The following TM9SF4 variants were observed in gnomAD, a reference collection of about 807,000 sequenced individuals.
TM9SF4 encodes the protein transmembrane 9 superfamily member 4.
In TM9SF4, 26 loss-of-function variants were observed where a neutral mutation model predicts 90.4. That is an observed-to-expected ratio of 0.29 (90% CI 0.21 to 0.40). The LOEUF (loss-of-function observed/expected upper bound fraction) is 0.40. Ranked by LOEUF, TM9SF4 falls within the 10% of genes least tolerant of loss-of-function variation. The pLI is 1.00. For missense variants in TM9SF4, 549 were observed against 834.8 expected (o/e 0.66, Z 4.22); for synonymous variants, 293 against 315.4 (o/e 0.93, Z 0.75).
Position 32,161,466 on chromosome 20 carries a change from C to T in TM9SF4, c.1779+101C>T, listed in dbSNP as rs1265269747. ...CCCAAGTGCCTGAATCTTCCTTTTC[C>T]ACCCAGAATGGGGAGGACCAAAGCC... On this transcript the variant is annotated intron_variant, in intron 17 of 17. Transcript: ENST00000398022. 4 of 1,136,666 alleles carry T rather than the reference C, an allele frequency of 3.5e-6. No individual in the cohort carries two copies. The Admixed American group carries it at 8.0e-5, about 23-fold the overall frequency. The allele number at this position is 1,136,666 out of a possible 1,614,324, so 70.4% of individuals were successfully genotyped here.
Position 32,141,494 on chromosome 20 carries a change from C to T in TM9SF4, c.230-3C>T, listed in dbSNP as rs1354774301. On this transcript the variant is annotated splice_polypyrimidine_tract_variant and splice_region_variant and intron_variant, in intron 3 of 17. Coordinates refer to ENST00000398022, the MANE Select transcript of TM9SF4 (RefSeq NM_014742.4). Reference sequence around the variant, plus strand: ...TGAGCTTGATCTGTCTCTCTTACGGCAGGAGAGGTGCTGAGAGGGGACCGG... The same window carrying T: ...TGAGCTTGATCTGTCTCTCTTACGGTAGGAGAGGTGCTGAGAGGGGACCGG... 1 of 1,613,652 alleles carries T rather than the reference C, an allele frequency of 6.2e-7. No homozygotes were observed. Among genetic ancestry groups the T allele is most frequent in the Non-Finnish European group, 8.5e-7 (1 of 1,179,816 alleles).
At chr20:32,118,710 A>C (rs1600777022) in intron 1 of TM9SF4, among the ~76,000 whole-genome samples, 1 of 151,864 alleles carries the variant, frequency 6.6e-6, no homozygotes, top group East Asian at 1.9e-4. Context: ...ATTTCTGCTC[A>C]CTGCAACCTC....
At chr20:32,164,778 C>T (rs1234912800) in intron 17 of TM9SF4, among the ~76,000 whole-genome samples, 1 of 152,128 alleles carries the variant, frequency 6.6e-6, no homozygotes, top group African/African-American at 2.4e-5. Context: ...GCATCTCTGC[C>T]CAGCCTCTAA....
intron 3 of TM9SF4, among the ~76,000 whole-genome samples, chr20:32,136,477 C>T (rs2046596014): frequency 6.6e-6 from 1 of 152,158 alleles, no homozygotes; most frequent in African/African-American, 2.4e-5. Context: ...ACTTGGAGCA[C>T]TTGGCTTCTA....
rs1164108196 is a variant in TM9SF4 at position 32,157,688 on chromosome 20, C to T, written c.1330-106C>T. 4 of 1,424,468 alleles carry T rather than the reference C, an allele frequency of 2.8e-6. No homozygotes were observed. The Admixed American group carries it at 6.2e-5, about 22-fold the overall frequency. The allele number at this position is 1,424,468 out of a possible 1,614,324, so 88.2% of individuals were successfully genotyped here. A position where few individuals can be genotyped will look rare whatever the true frequency, so the allele number is the denominator to read the frequency against. On this transcript the variant is annotated intron_variant, in intron 13 of 17. Transcript: ENST00000398022. ...GGGCAGGGAGTGTGCTTCTGCTGCA[C>T]AAGTCGCCTCTCCTTCTGTGGAGCC...
In TM9SF4 at chr20:32,141,875, G is replaced by C. The variant is rs2046686426; in HGVS notation, c.508G>C (p.Gly170Arg). 2 of 1,613,924 alleles carry C rather than the reference G, an allele frequency of 1.2e-6. No homozygotes were observed. The highest frequency in any genetic ancestry group is 1.6e-4 in the Middle Eastern group (1 of 6,084). The change falls in exon 5 of 18, where the codon GGC becomes CGC. Residue 170 changes from glycine (G) to arginine (R), a missense_variant. Coordinates refer to ENST00000398022, the MANE Select transcript of TM9SF4 (RefSeq NM_014742.4). ...GCAGTTTGAACACGGCTACCGGCTCGGCTTCACAGATGTCAACAAGGTAGA... is the reference window on the plus strand; with the variant it reads ...GCAGTTTGAACACGGCTACCGGCTCCGCTTCACAGATGTCAACAAGGTAGA... ...DVQFEHGYRL[G>R]FTDVNKIYLH...
chr20:32,123,866 A>ATTTTTTTTTT (rs1165240152), intron 1 of TM9SF4, among the ~76,000 whole-genome samples: 3 of 93,936 alleles, frequency 3.2e-5, no homozygotes, highest in Non-Finnish European at 3.9e-5. Flanking sequence ...ATATATATAT[A>ATTTTTTTTTT]TTTTTTTTTT....
intron 3 of TM9SF4, among the ~76,000 whole-genome samples, chr20:32,137,479 G>A (rs1030967264): frequency 6.6e-6 from 1 of 152,160 alleles, no homozygotes; most frequent in Admixed American, 6.5e-5. Context: ...TCATAGAAAT[G>A]GAGATTTCTG....
At chr20:32,126,633 C>G (rs1224292148) in intron 1 of TM9SF4, among the ~76,000 whole-genome samples, 1 of 152,144 alleles carries the variant, frequency 6.6e-6, no homozygotes, top group African/African-American at 2.4e-5. Flanking sequence ...TCATCTGTGT[C>G]TCCCCACCCG....
At chr20:32,135,253 C>T (rs1445167132) in intron 2 of TM9SF4, among the ~76,000 whole-genome samples, 2 of 151,996 alleles carry the variant, frequency 1.3e-5, no homozygotes, top group Non-Finnish European at 2.9e-5. Flanking sequence ...AAGAATATAT[C>T]ATAGTTTATT....
chr20:32,135,534 A>G (rs1433438632), intron 2 of TM9SF4, among the ~76,000 whole-genome samples: 1 of 152,224 alleles, frequency 6.6e-6, no homozygotes, highest in Non-Finnish European at 1.5e-5. Context: ...CTGACAGTCC[A>G]GTGGATACCG....
At chr20:32,163,497 G>A (rs1304579163) in intron 17 of TM9SF4, among the ~76,000 whole-genome samples, 1 of 151,486 alleles carries the variant, frequency 6.6e-6, no homozygotes, top group Non-Finnish European at 1.5e-5. Context: ...TGATACGTCA[G>A]CCAGTGAAGA....
At chr20:32,121,825 C>G (rs1290809985) in intron 1 of TM9SF4, among the ~76,000 whole-genome samples, 1 of 149,360 alleles carries the variant, frequency 6.7e-6, no homozygotes. Flanking sequence ...GCTGGCCGGG[C>G]GGGGGGCTGA....
intron 1 of TM9SF4, chr20:32,110,091 C>T (rs981058023): frequency 1.7e-6 from 2 of 1,188,086 alleles, no homozygotes; most frequent in South Asian, 2.3e-5. Context: ...CTCTGAAGAC[C>T]CCCTCCCGTT....
chr20:32,163,523 G>A (rs1315683896), intron 17 of TM9SF4, among the ~76,000 whole-genome samples: 2 of 151,436 alleles, frequency 1.3e-5, no homozygotes, highest in Non-Finnish European at 1.5e-5. Context: ...TGCTCTGCTC[G>A]GGTGACATGC....
At chr20:32,162,345 A>G (rs911927465) in intron 17 of TM9SF4, among the ~76,000 whole-genome samples, 3 of 152,126 alleles carry the variant, frequency 2.0e-5, no homozygotes, top group African/African-American at 7.2e-5. Context: ...CTGTACCCCT[A>G]CCTCCAGTCT....
At position 32,142,915 on chromosome 20, in the gene TM9SF4, G is replaced by A. The variant is rs78214823; in HGVS notation, c.529-67G>A. The A allele has an allele frequency of 4.9e-3, 7,788 of 1,586,640 alleles. 26 individuals are homozygous for A. Among genetic ancestry groups the A allele is most frequent in the Non-Finnish European group, 6.1e-3 (7,098 of 1,162,296 alleles). On this transcript the variant is annotated intron_variant, in intron 5 of 17. Coordinates refer to ENST00000398022, the MANE Select transcript of TM9SF4 (RefSeq NM_014742.4). ...AACCAGGCATGCTGGGTGAGGCAAGGGCCCTAATACCTGGAGAGTATCCCT... is the reference window on the plus strand; with the variant it reads ...AACCAGGCATGCTGGGTGAGGCAAGAGCCCTAATACCTGGAGAGTATCCCT...
chr20:32,149,987 C>T (rs940653366), intron 10 of TM9SF4, among the ~76,000 whole-genome samples: 5 of 152,214 alleles, frequency 3.3e-5, no homozygotes, highest in Admixed American at 1.3e-4. Flanking sequence ...ACAGAGCCCA[C>T]CATGTCTCCT....
chr20:32,148,596 G>A (rs1189527872), intron 9 of TM9SF4, among the ~76,000 whole-genome samples: 2 of 147,548 alleles, frequency 1.4e-5, no homozygotes, highest in South Asian at 2.2e-4. Context: ...GTTTTGCACA[G>A]CAATTCTTCT....
Sources: gnomAD v4.1 joint callset for allele counts (sites outside exome capture counted in the v4.1 genomes callset) on GRCh38, gnomAD v4.1.1 for gene constraint, MANE v1.5 for transcripts, NCBI Gene and HGNC (gene_info 2026-07-23, HGNC 2026-07-21) for gene names.